Variants in RAD51AP1 observed in about 807,000 individuals in gnomAD.
The protein encoded by RAD51AP1 is RAD51-associated protein 1.
A neutral mutation model predicts 34.3 loss-of-function variants in RAD51AP1; 14 were observed. That is an observed-to-expected ratio of 0.41 (90% CI 0.27 to 0.64). The LOEUF (loss-of-function observed/expected upper bound fraction) is 0.64. RAD51AP1 is among the 30% of genes least tolerant of loss of function. The pLI is 0.33. For missense variants in RAD51AP1, 348 were observed against 386.9 expected (o/e 0.90, Z 0.84); for synonymous variants, 114 against 129.8 (o/e 0.88, Z 0.83).
intron 8 of RAD51AP1, 158 bp downstream of exon 8, chr12:4,556,660 A>T (rs532396364): frequency 7.3e-5 from 54 of 739,238 alleles, no homozygotes; most frequent in Non-Finnish European, 1.1e-4. Flanking sequence ...TTATTTAACC[A>T]TTCCTTATTA....
intron 1 of RAD51AP1, 46 bp downstream of exon 1, chr12:4,539,002 G>A (rs1469980183): frequency 1.3e-6 from 2 of 1,596,872 alleles, no homozygotes; most frequent in Non-Finnish European, 8.6e-7. Flanking sequence ...AAAACTAAGG[G>A]AAAAGACATG....
Position 4,545,694 on chromosome 12 carries a change from G to T in RAD51AP1, c.210-615G>T. The T allele has an allele frequency of 2.8e-6, 4 of 1,424,240 alleles. No homozygotes were observed. The South Asian group carries it at 5.1e-5, about 18-fold the overall frequency. 88.2% of individuals were successfully genotyped at this position (1,424,240 alleles called of 1,614,324 possible). On this transcript the variant is annotated intron_variant, in intron 3 of 8. Transcript: ENST00000352618. ...TCCTCTTATACTCCATAGCACTTTT[G>T]AGCAGCTTGAATAGGACTTTATAGT... is the stretch of plus-strand genomic sequence containing the variant.
Position 4,555,528 on chromosome 12 carries a change from G to A in RAD51AP1, c.722-825G>A, listed in dbSNP as rs527863863. 3.1e-4 allele frequency among the ~76,000 whole-genome samples: 39 copies of A among 126,636 alleles called. No individual in the cohort carries two copies. The East Asian group carries it at 9.4e-3, about 30-fold the overall frequency. The allele number at this position is 126,636 out of a possible 152,430, so 83.1% of individuals were successfully genotyped here. A position where few individuals can be genotyped will look rare whatever the true frequency, so the allele number is the denominator to read the frequency against. On this transcript the variant is annotated intron_variant, in intron 7 of 8. Coordinates refer to ENST00000352618, the MANE Select transcript of RAD51AP1 (RefSeq NM_006479.5). Reference sequence around the variant, plus strand: ...TGTGACTAGCCAGACTCTTGTACATGGTCTGCAAAGCTCTTCATAAGTGAT... The same window carrying A: ...TGTGACTAGCCAGACTCTTGTACATAGTCTGCAAAGCTCTTCATAAGTGAT...
intron 1 of RAD51AP1, 118 bp downstream of exon 1, chr12:4,539,074 G>T: frequency 8.7e-7 from 1 of 1,148,680 alleles, no homozygotes; most frequent in Non-Finnish European, 1.3e-6. Flanking sequence ...AGGATGGACG[G>T]TTATCAAGAA....
chr12:4,540,493 G>A (rs951758785), intron 1 of RAD51AP1, among the ~76,000 whole-genome samples: 1 of 151,218 alleles, frequency 6.6e-6, no homozygotes, highest in South Asian at 2.1e-4. Context: ...GAACAATTAA[G>A]GCAGTGGCAC....
intron 1 of RAD51AP1, among the ~76,000 whole-genome samples, chr12:4,539,678 A>G (rs918814481): frequency 1.3e-5 from 2 of 152,176 alleles, no homozygotes; most frequent in Non-Finnish European, 2.9e-5. Context: ...TGAGTCATGA[A>G]TCAGGGTAGA....
intron 3 of RAD51AP1, chr12:4,545,747 T>C: frequency 6.2e-7 from 1 of 1,607,052 alleles, no homozygotes; most frequent in Non-Finnish European, 8.5e-7. Flanking sequence ...ATTATTAGCA[T>C]GTCTTGTTTC....
At chr12:4,541,625 T>C (rs752035454) in intron 1 of RAD51AP1, among the ~76,000 whole-genome samples, 2 of 152,178 alleles carry the variant, frequency 1.3e-5, no homozygotes, top group Non-Finnish European at 2.9e-5. Flanking sequence ...GGTATAGTTG[T>C]AACTATTTTA....
intron 6 of RAD51AP1, among the ~76,000 whole-genome samples, chr12:4,550,703 G>A (rs1555118613): frequency 6.6e-6 from 1 of 152,220 alleles, no homozygotes; most frequent in Admixed American, 6.5e-5. Context: ...GTAGTGGCAC[G>A]ATCTTGGCTG....
intron 8 of RAD51AP1, among the ~76,000 whole-genome samples, chr12:4,558,148 T>G (rs986403913): frequency 6.6e-6 from 1 of 151,330 alleles, no homozygotes; most frequent in South Asian, 2.1e-4. Context: ...CCAAGAACTA[T>G]TAATACAACA....
At chr12:4,558,134 G>A (rs1406618971) in intron 8 of RAD51AP1, among the ~76,000 whole-genome samples, 1 of 151,086 alleles carries the variant, frequency 6.6e-6, no homozygotes, top group Non-Finnish European at 1.5e-5. Context: ...ATATAACAGT[G>A]TCCCCAAGAA....
rs531310463 is a variant in RAD51AP1 at position 4,539,034 on chromosome 12, G to T, written c.17+78G>T. The stretch of plus-strand genomic sequence containing the variant: ...CATGAGACTAAGGGGAAAGGATCGA[G>T]TAAGACCGGAGGGCAGCGATGGTGG... On this transcript the variant is annotated intron_variant, in intron 1 of 8. Coordinates refer to ENST00000352618, the MANE Select transcript of RAD51AP1 (RefSeq NM_006479.5). The T allele has an allele frequency of 2.1e-5, 32 of 1,530,904 alleles. No individual in the cohort carries two copies. The East Asian group carries it at 6.1e-4, about 29-fold the overall frequency. 94.8% of individuals were successfully genotyped at this position (1,530,904 alleles called of 1,614,324 possible).
intron 6 of RAD51AP1, among the ~76,000 whole-genome samples, chr12:4,551,494 CAAA>C (rs1180432401): frequency 5.0e-5 from 4 of 79,342 alleles, no homozygotes; most frequent in East Asian, 4.5e-4. Flanking sequence ...GGCTCCATCT[CAAA>C]AAAAAAAAAA....
At chr12:4,551,494 C>CAAAAAAAAA (rs1180432401) in intron 6 of RAD51AP1, among the ~76,000 whole-genome samples, 1 of 79,354 alleles carries the variant, frequency 1.3e-5, no homozygotes, top group African/African-American at 4.5e-5. Flanking sequence ...GGCTCCATCT[C>CAAAAAAAAA]AAAAAAAAAA....
chr12:4,548,659 T>G (rs1944524092), intron 5 of RAD51AP1, 28 bp from the exon 6 acceptor site: 1 of 1,603,506 alleles, frequency 6.2e-7, no homozygotes, highest in South Asian at 1.1e-5. Context: ...CAGAAAGTTT[T>G]CCATTGATTT....
At chr12:4,545,869 T>C (rs549041634) in intron 3 of RAD51AP1, 2 of 1,590,768 alleles carry the variant, frequency 1.3e-6, no homozygotes, top group South Asian at 2.3e-5. Context: ...AAGTCTGGAT[T>C]GGGAGGAAGA....
At chr12:4,541,982 C>A (rs767303906) in intron 2 of RAD51AP1, 49 bp downstream of exon 2, 104 of 1,282,434 alleles carry the variant, frequency 8.1e-5, no homozygotes, top group Admixed American at 1.1e-4. Flanking sequence ...AACTCATTTC[C>A]TCGGAATTTA....
chr12:4,556,203 A>G lies in RAD51AP1; in HGVS notation c.722-150A>G, dbSNP rs917172447. The stretch of plus-strand genomic sequence containing the variant: ...CCTGGCATATTAATGCTCATAAAAG[A>G]TGGCTATTCTTAGGCTCTCAATAAA... On this transcript the variant is annotated intron_variant, in intron 7 of 8. Coordinates refer to ENST00000352618, the MANE Select transcript of RAD51AP1 (RefSeq NM_006479.5). 6.2e-6 allele frequency: 4 copies of G among 644,622 alleles called. No homozygotes were observed. The African/African-American group carries it at 7.4e-5, about 12-fold the overall frequency. The allele number at this position is 644,622 out of a possible 1,614,324, so 39.9% of individuals were successfully genotyped here.
At chr12:4,540,249 G>A (rs556440857) in intron 1 of RAD51AP1, among the ~76,000 whole-genome samples, 4 of 152,170 alleles carry the variant, frequency 2.6e-5, no homozygotes, top group Admixed American at 6.5e-5. Context: ...TTTCTGTTTC[G>A]AACATGCTGA....
Sources: allele counts gnomAD v4.1 joint callset (sites outside exome capture counted in the v4.1 genomes callset), GRCh38; gene constraint gnomAD v4.1.1; transcripts MANE v1.5; gene names NCBI Gene and HGNC (gene_info 2026-07-23, HGNC 2026-07-21).